The following PTCH1 variants were observed in gnomAD, a reference collection of about 807,000 sequenced individuals.
PTCH1 encodes the protein patched 1.
A neutral mutation model predicts 144.6 loss-of-function variants in PTCH1; 14 were observed. That is an observed-to-expected ratio of 0.10 (90% confidence interval 0.06 to 0.15). PTCH1 has a LOEUF of 0.15. Ranked by LOEUF, PTCH1 falls within the 10% of genes least tolerant of loss-of-function variation. PTCH1 has a pLI of 1.00. For synonymous variants in PTCH1, 833 were observed against 793.6 expected (o/e 1.05, Z -0.83); for missense variants, 1,623 against 1,948.3 (o/e 0.83, Z 3.14).
At chr9:95,485,957 GGAT>G in intron 2 of PTCH1, 83 bp from the exon 3 acceptor site, 1 of 1,457,146 alleles carries the variant, frequency 6.9e-7, no homozygotes, top group Non-Finnish European at 9.6e-7. Flanking sequence ...ACCTGCCATA[GGAT>G]ACACAATAGA....
chr9:95,470,091 T>G (rs1010774081), intron 12 of PTCH1, among the ~76,000 whole-genome samples, 160 bp from the exon 13 acceptor site: 1 of 152,244 alleles, frequency 6.6e-6, no homozygotes, highest in African/African-American at 2.4e-5. Context: ...TGCTACATCA[T>G]CAAGAGCCTA....
At chr9:95,504,813 T>C (rs1415913914) in intron 2 of PTCH1, among the ~76,000 whole-genome samples, 5 of 152,104 alleles carry the variant, frequency 3.3e-5, no homozygotes, top group South Asian at 2.1e-4. Flanking sequence ...AACCCAAATG[T>C]AGTCCAAATG....
Position 95,469,029 on chromosome 9 carries a change from T to C in PTCH1, c.1972A>G (p.Met658Val), listed in dbSNP as rs1448553293. The change falls in exon 14 of 24, where the codon ATG becomes GTG. Residue 658 changes from methionine to valine, a missense_variant. Coordinates refer to ENST00000331920, the MANE Select transcript of PTCH1 (RefSeq NM_000264.5). ...HSFAHETQIT[M>V]QSTVQLRTEY... ...GTGCGGAGCTGGACAGTGGACTGCA[T>C]GGTAATCTGCGTTTCATGGGCAAAG... The C allele has an allele frequency of 1.2e-6, 2 of 1,613,878 alleles. No individual in the cohort carries two copies. The highest frequency in any genetic ancestry group is 1.7e-6 in the Non-Finnish European group (2 of 1,179,992).
chr9:95,457,598 A>T (rs1287622738), intron 18 of PTCH1, among the ~76,000 whole-genome samples: 1 of 151,962 alleles, frequency 6.6e-6, no homozygotes, highest in Non-Finnish European at 1.5e-5. Flanking sequence ...TCCATATATC[A>T]CTCTCCTAAC....
At chr9:95,455,621 C>T (rs966293446) in intron 19 of PTCH1, among the ~76,000 whole-genome samples, 4 of 152,166 alleles carry the variant, frequency 2.6e-5, no homozygotes, top group Admixed American at 2.6e-4. Context: ...AAAGCATTCA[C>T]AGGGCAAGAT....
At chr9:95,516,566 C>T (rs1022849348) in exon 1 of PTCH1, 11 of 1,559,594 alleles carry the variant, frequency 7.1e-6, no homozygotes, top group Middle Eastern at 1.7e-4. Context: ...CCTGGCCCCC[C>T]TTTCCTCGTC....
At chr9:95,489,358 T>C (rs1564067459) in intron 2 of PTCH1, among the ~76,000 whole-genome samples, 1 of 152,180 alleles carries the variant, frequency 6.6e-6, no homozygotes, top group Non-Finnish European at 1.5e-5. Flanking sequence ...CTTCTTTTTC[T>C]TTTATTTAAA....
intron 1 of PTCH1, 62 bp from the exon 2 acceptor site, chr9:95,506,661 C>A: frequency 1.4e-6 from 2 of 1,452,628 alleles, no homozygotes; most frequent in South Asian, 1.4e-5. Flanking sequence ...CGCCCACGCC[C>A]GCTTGCGCGC....
intron 16 of PTCH1, 144 bp downstream of exon 16, chr9:95,461,712 G>T: frequency 8.6e-7 from 1 of 1,160,972 alleles, no homozygotes; most frequent in Non-Finnish European, 1.2e-6. Flanking sequence ...GTGAATTAGA[G>T]TCACCCAATA....
intron 2 of PTCH1, among the ~76,000 whole-genome samples, chr9:95,492,665 A>C (rs989682303): frequency 2.6e-5 from 4 of 151,644 alleles, no homozygotes; most frequent in Non-Finnish European, 4.4e-5. Context: ...AATCCCATAC[A>C]CTTCTGGTCC....
intron 1 of PTCH1, among the ~76,000 whole-genome samples, chr9:95,514,788 G>C (rs1187272433): frequency 1.3e-5 from 2 of 152,060 alleles, no homozygotes; most frequent in African/African-American, 4.8e-5. Context: ...AATTCCAAAT[G>C]GTTCTAAGTT....
At chr9:95,457,963 C>T in intron 18 of PTCH1, 50 bp downstream of exon 18, 1 of 1,609,776 alleles carries the variant, frequency 6.2e-7, no homozygotes. Flanking sequence ...GCAGAAAGAG[C>T]TATGCTGAAA....
Position 95,479,013 on chromosome 9 carries a change from C to T in PTCH1, c.1202G>A (p.Arg401Lys). Residue 401 changes from arginine to lysine, a missense_variant, in exon 8 of 24, where the codon AGG becomes AAG. Physicochemically the swap from Arg to Lys is conservative, Grantham distance 26. Coordinates refer to ENST00000331920, the MANE Select transcript of PTCH1 (RefSeq NM_000264.5). ...KAAAILEAWQ[R>K]TYVEVVHQSV... Reference sequence around the variant, plus strand: ...AGGTGGGTTTACCTCCACATATGTCCTCTGCCAGGCCTCCAGGATGGCTGC... The same window carrying T: ...AGGTGGGTTTACCTCCACATATGTCTTCTGCCAGGCCTCCAGGATGGCTGC... 1 of 1,614,222 alleles carries T rather than the reference C, an allele frequency of 6.2e-7. No homozygotes were observed.
rs147738224 is a variant in PTCH1 at position 95,508,187 on chromosome 9, C to T, written c.175G>A (p.Ala59Thr). The change falls in exon 1 of 24, where the codon GCC becomes ACC. Residue 59 changes from alanine to threonine, a missense_variant. By Grantham distance (58) the Ala-to-Thr change is moderately conservative (BLOSUM62 0). Around this residue, in one of 7 missense-constraint regions of PTCH1, gnomAD observed 245 missense variants for 240.6 expected, o/e 1.02. Transcript: ENST00000331920. Reference protein sequence around the residue: ...YLHRPSYCDAAFALEQISKGK... With the variant: ...YLHRPSYCDATFALEQISKGK... ...TTGGAAATCTGCTCCAGAGCGAAGG[C>T]GGCGTCGCAGTAGCTGGGCCGGTGC... 3 of 1,612,694 alleles carry T rather than the reference C, an allele frequency of 1.9e-6. No individual in the cohort carries two copies. Among genetic ancestry groups the T allele is most frequent in the Non-Finnish European group, 2.5e-6 (3 of 1,179,762 alleles).
intron 2 of PTCH1, 150 bp downstream of exon 2, chr9:95,506,256 GC>G: frequency 1.1e-6 from 1 of 929,826 alleles, no homozygotes; most frequent in Non-Finnish European, 1.6e-6. Flanking sequence ...CTGGCTCCCG[GC>G]CAGGCGCCCA....
intron 2 of PTCH1, among the ~76,000 whole-genome samples, chr9:95,490,088 C>T (rs1020808424): frequency 1.3e-5 from 2 of 151,674 alleles, no homozygotes; most frequent in African/African-American, 4.8e-5. Context: ...AGGCGTGAGC[C>T]ACTGCACCTG....
chr9:95,447,208 G>A lies in PTCH1; in HGVS notation c.4048C>T (p.Arg1350Trp), dbSNP rs140417636. The change falls in exon 23 of 24, where the codon CGG becomes TGG. Residue 1350 changes from arginine to tryptophan, a missense_variant. Physicochemically the swap from Arg to Trp is moderately radical, Grantham distance 101 (BLOSUM62 -3). This residue lies in a region of PTCH1 where 291 missense variants were observed against 287.4 expected (regional missense o/e 1.01). Coordinates refer to ENST00000331920, the MANE Select transcript of PTCH1 (RefSeq NM_000264.5). Reference protein sequence around the residue: ...GPRGARSHNPRNPASTAMGSS... With the variant: ...GPRGARSHNPWNPASTAMGSS... ...CCCATGGCAGTGGACGCTGGGTTCC[G>A]AGGGTTGTGAGAACGGGCCCCGCGA... 9.4e-4 allele frequency: 1,513 copies of A among 1,612,978 alleles called. 3 individuals carry two copies. Among genetic ancestry groups the A allele is most frequent in the Non-Finnish European group, 1.1e-3 (1,286 of 1,179,904 alleles).
intron 14 of PTCH1, among the ~76,000 whole-genome samples, 189 bp from the exon 15 acceptor site, chr9:95,467,614 T>C (rs2117982443): frequency 6.6e-6 from 1 of 152,350 alleles, no homozygotes; most frequent in Admixed American, 6.5e-5. Context: ...TTTTGTTTTA[T>C]ATATAATTTT....
chr9:95,510,012 A>AC (rs962181973), upstream of PTCH1, among the ~76,000 whole-genome samples: 4 of 150,110 alleles, frequency 2.7e-5, no homozygotes, highest in Non-Finnish European at 6.0e-5. Flanking sequence ...TAAAAAAAAA[A>AC]AAAACACAGT....
Sources: gnomAD v4.1 joint callset for allele counts (sites outside exome capture counted in the v4.1 genomes callset) on GRCh38, gnomAD v4.1.1 for gene constraint, gnomAD v4.1.1 regional missense constraint, MANE v1.5 for transcripts, NCBI Gene and HGNC (gene_info 2026-07-23, HGNC 2026-07-21) for gene names.